ATR: variants seen among roughly 807,000 people sequenced by gnomAD.
ATR encodes the protein ATR checkpoint kinase.
ATR carries 142 observed loss-of-function variants against 305.3 expected under a neutral mutation model. The ratio of observed to expected loss-of-function variants is 0.47; its 90% CI spans 0.41 to 0.53. The LOEUF (loss-of-function observed/expected upper bound fraction) is 0.53, where lower values mean the gene tolerates loss of function less well. Ranked by LOEUF, ATR falls within the 20% of genes least tolerant of loss-of-function variation. The pLI is 0.00. For missense variants in ATR, 2,135 were observed against 3,133.1 expected, an observed-to-expected ratio of 0.68 and a Z score of 7.60; for synonymous variants, 1,050 against 1,068.1, an observed-to-expected ratio of 0.98 and a Z score of 0.33.
chr3:142,485,424 G>T, intron 35 of ATR, 142 bp from the exon 36 acceptor site: 2 of 1,063,264 alleles, frequency 1.9e-6, no homozygotes, highest in Non-Finnish European at 2.7e-6. Context: ...AATCTTTGAT[G>T]TGGAAAAGGA....
At chr3:142,550,349 T>G (rs762412701) in intron 13 of ATR, 47 bp from the exon 14 acceptor site, 1 of 1,576,922 alleles carries the variant, frequency 6.3e-7, no homozygotes, top group South Asian at 1.1e-5. Flanking sequence ...AAAGAAGAAA[T>G]TTTAACTAAT....
chr3:142,539,994 C>T (rs2033991264), intron 18 of ATR, among the ~76,000 whole-genome samples: 1 of 152,056 alleles, frequency 6.6e-6, no homozygotes, highest in African/African-American at 2.4e-5. Context: ...AAGTGGACAA[C>T]CAGATATTAT....
chr3:142,449,789 C>G, intron 46 of ATR, 187 bp from the exon 47 acceptor site: 1 of 626,658 alleles, frequency 1.6e-6, no homozygotes, highest in Non-Finnish European at 2.7e-6. Flanking sequence ...TTTGGAGGCT[C>G]GCAAGATTGA....
Position 142,524,025 on chromosome 3 carries a change from T to C in ATR, c.4120A>G (p.Thr1374Ala). ...GTAAAATCTTTTCCTTGAGTTTCAGTTGTTGAGAAATCTAATCGACCTGGA... is the reference window on the plus strand; with the variant it reads ...GTAAAATCTTTTCCTTGAGTTTCAGCTGTTGAGAAATCTAATCGACCTGGA... ...IDPGRLDFST[T>A]ETQGKDFTFV... The change falls in exon 22 of 47, where the codon ACT becomes GCT. Residue 1374 changes from threonine to alanine, a missense_variant. Transcript: ENST00000350721. The C allele has an allele frequency of 3.1e-6, 5 of 1,614,082 alleles. No individual in the cohort carries two copies. The highest frequency in any genetic ancestry group is 4.2e-6 in the Non-Finnish European group (5 of 1,179,988).
At position 142,568,070 on chromosome 3, in the gene ATR, T is replaced by C; in HGVS notation, c.144A>G (p.Val48=). 6.2e-7 allele frequency: 1 copy of C among 1,605,634 alleles called. No homozygotes were observed. The highest frequency in any genetic ancestry group is 1.7e-5 in the Admixed American group (1 of 59,578). The part of the protein sequence containing the change: ...CQFIDRILTD[V]NVVAVELVKK... The stretch of plus-strand genomic sequence containing the variant: ...AAATAATTGGTTTCTTACCAACATT[T>C]ACATCTGTAAGTATCCGGTCAATGA... The change falls in exon 2 of 47, where the codon GTA becomes GTG. Residue 48 remains valine, a synonymous_variant. Coordinates refer to ENST00000350721, the MANE Select transcript of ATR (RefSeq NM_001184.4).
At chr3:142,456,072 T>G (rs1008825118) in intron 45 of ATR, among the ~76,000 whole-genome samples, 1 of 152,038 alleles carries the variant, frequency 6.6e-6, no homozygotes, top group Non-Finnish European at 1.5e-5. Context: ...TCCCAGCACT[T>G]TGGGAGGCTG....
intron 21 of ATR, among the ~76,000 whole-genome samples, chr3:142,527,151 C>G (rs754097584): frequency 1.1e-4 from 17 of 152,074 alleles, no homozygotes; most frequent in Middle Eastern, 3.2e-3. Context: ...AATTTTTACA[C>G]TGATATTAAT....
At chr3:142,573,912 G>A (rs2108506338) in intron 1 of ATR, among the ~76,000 whole-genome samples, 1 of 152,220 alleles carries the variant, frequency 6.6e-6, no homozygotes, top group Admixed American at 6.5e-5. Flanking sequence ...TTCAAAATCT[G>A]TAATTACAAG....
In ATR at chr3:142,524,111, T is replaced by A. The variant is rs2033271153; in HGVS notation, c.4034A>T (p.Asp1345Val). Reference sequence around the variant, plus strand: ...GAGCAACCGAGCTTGAGAGTTTGCATCTTGGCAACCTTTCAAAAGCACTGT... The same window carrying A: ...GAGCAACCGAGCTTGAGAGTTTGCAACTTGGCAACCTTTCAAAAGCACTGT... ...LVTVLLKGCQ[D>V]ANSQARLLCG... Residue 1345 changes from aspartate (D) to valine (V), a missense_variant, in exon 22 of 47, where the codon GAT (aspartate) becomes GTT (valine). Around this residue, in one of 9 missense-constraint regions of ATR, gnomAD observed 530 missense variants for 766.8 expected, o/e 0.69. Transcript: ENST00000350721. The A allele has an allele frequency of 3.1e-6, 5 of 1,614,074 alleles. No homozygotes were observed. The highest frequency in any genetic ancestry group is 4.2e-6 in the Non-Finnish European group (5 of 1,179,950).
chr3:142,466,197 T>G (rs1296301978), intron 40 of ATR, 127 bp downstream of exon 40: 4 of 1,115,364 alleles, frequency 3.6e-6, no homozygotes, highest in African/African-American at 3.1e-5. Flanking sequence ...TTTACTCTTC[T>G]GTATTTCCAA....
chr3:142,503,982 C>T (rs375890660), intron 29 of ATR, among the ~76,000 whole-genome samples: 78 of 152,188 alleles, frequency 5.1e-4, no homozygotes, highest in African/African-American at 1.6e-3. Flanking sequence ...ATATGGATTT[C>T]GGGCTTTAGC....
chr3:142,505,576 A>G (rs1394803098), intron 28 of ATR, among the ~76,000 whole-genome samples: 1 of 152,190 alleles, frequency 6.6e-6, no homozygotes, highest in Non-Finnish European at 1.5e-5. Context: ...CAGGATCCTA[A>G]AACTGTCTAG....
chr3:142,568,202 AT>A, intron 1 of ATR, 48 bp from the exon 2 acceptor site: 1 of 1,492,058 alleles, frequency 6.7e-7, no homozygotes, highest in Non-Finnish European at 9.3e-7. Flanking sequence ...ACTCAGTTTC[AT>A]TTGCAAAAAA....
chr3:142,559,081 T>TA (rs2034785953), intron 7 of ATR, 170 bp downstream of exon 7: 1 of 720,616 alleles, frequency 1.4e-6, no homozygotes, highest in Admixed American at 3.2e-5. Flanking sequence ...ATTATGCACA[T>TA]AAATTGGCAA....
chr3:142,450,990 A>C, intron 46 of ATR: 1 of 1,229,462 alleles, frequency 8.1e-7, no homozygotes, highest in Non-Finnish European at 1.0e-6. Flanking sequence ...TCAGAACAAC[A>C]AGCTGTGAAC....
chr3:142,506,921 T>A (rs934820080), intron 28 of ATR, among the ~76,000 whole-genome samples: 4 of 152,096 alleles, frequency 2.6e-5, no homozygotes, highest in Non-Finnish European at 5.9e-5. Context: ...ATGTTTGAGA[T>A]CATGAACTTA....
At chr3:142,465,807 C>A in intron 40 of ATR, 1 of 170,362 alleles carries the variant, frequency 5.9e-6, no homozygotes, top group South Asian at 1.4e-4. Flanking sequence ...GAGTTCAAGA[C>A]TAGCCTGGGC....
chr3:142,569,949 C>A (rs2035209910), intron 1 of ATR, among the ~76,000 whole-genome samples: 1 of 152,110 alleles, frequency 6.6e-6, no homozygotes. Context: ...CCAGCCCCAA[C>A]TGTTTTTTTA....
chr3:142,493,163 A>G lies in ATR; in HGVS notation c.6047T>C (p.Phe2016Ser). 1 of 1,613,526 alleles carries G rather than the reference A, an allele frequency of 6.2e-7. No individual in the cohort carries two copies. Among genetic ancestry groups the G allele is most frequent in the Non-Finnish European group, 8.5e-7 (1 of 1,179,632 alleles). ...VGRFMEETAN[F>S]ESNAIMKKYK... is the part of the protein sequence containing the mutation. ...TTTTTTCATAATTGCATTGCTTTCAAAGTTAGCTGTTTCTTCCATAAATCG... is the reference window on the plus strand; with the variant it reads ...TTTTTTCATAATTGCATTGCTTTCAGAGTTAGCTGTTTCTTCCATAAATCG... Residue 2016 changes from phenylalanine (F) to serine (S), a missense_variant, in exon 35 of 47, where the codon TTT becomes TCT. Around this residue, in one of 9 missense-constraint regions of ATR, gnomAD observed 462 missense variants for 887.6 expected, o/e 0.52. Transcript: ENST00000350721.
Sources: gnomAD v4.1 joint callset for allele counts (sites outside exome capture counted in the v4.1 genomes callset) on GRCh38, gnomAD v4.1.1 for gene constraint, gnomAD v4.1.1 regional missense constraint, MANE v1.5 for transcripts, NCBI Gene and HGNC (gene_info 2026-07-23, HGNC 2026-07-21) for gene names.